RALGAPA1: variants seen among roughly 807,000 people sequenced by gnomAD.
RALGAPA1 encodes ral GTPase-activating protein subunit alpha-1.
Under a neutral mutation model 269.6 loss-of-function variants are expected in RALGAPA1, and 52 were observed. That is an observed-to-expected ratio of 0.19 (90% CI 0.15 to 0.24). The LOEUF (loss-of-function observed/expected upper bound fraction) is 0.24. Ranked by LOEUF, RALGAPA1 falls within the 10% of genes least tolerant of loss-of-function variation. RALGAPA1 has a pLI of 1.00. For missense variants in RALGAPA1, 1,917 were observed against 3,013.9 expected (o/e 0.64, Z 8.52); for synonymous variants, 817 against 1,008.3 (o/e 0.81, Z 3.60).
At chr14:35,695,542 T>A (rs1406780263) in intron 17 of RALGAPA1, among the ~76,000 whole-genome samples, 1 of 152,186 alleles carries the variant, frequency 6.6e-6, no homozygotes, top group Non-Finnish European at 1.5e-5. Context: ...GCAGTCTACA[T>A]ACTATAGCCT....
At chr14:35,672,797 A>T in intron 25 of RALGAPA1, 70 bp downstream of exon 25, 1 of 1,365,672 alleles carries the variant, frequency 7.3e-7, no homozygotes, top group Non-Finnish European at 9.7e-7. Context: ...AGCAAGAGTT[A>T]AACAGAATCA....
intron 37 of RALGAPA1, among the ~76,000 whole-genome samples, chr14:35,580,161 T>TG (rs1254585636): frequency 6.6e-6 from 1 of 152,150 alleles, no homozygotes; most frequent in Non-Finnish European, 1.5e-5. Flanking sequence ...CCCCCTATTT[T>TG]GGGGGGTCCA....
intron 11 of RALGAPA1, 94 bp downstream of exon 11, chr14:35,742,274 T>C (rs2071630041): frequency 1.1e-6 from 1 of 932,822 alleles, no homozygotes; most frequent in Non-Finnish European, 1.6e-6. Context: ...TCTTCCCATT[T>C]AATAAGTATA....
chr14:35,694,004 T>C (rs1436183821), intron 17 of RALGAPA1, among the ~76,000 whole-genome samples: 2 of 152,068 alleles, frequency 1.3e-5, no homozygotes, highest in African/African-American at 4.8e-5. Context: ...ATTTTTGTTT[T>C]GTTCATTGCA....
At chr14:35,718,222 T>A (rs1363586307) in intron 16 of RALGAPA1, among the ~76,000 whole-genome samples, 1 of 152,228 alleles carries the variant, frequency 6.6e-6, no homozygotes, top group Non-Finnish European at 1.5e-5. Flanking sequence ...AATTGTCAGC[T>A]CCAGTGGAAT....
In RALGAPA1 at chr14:35,672,877, T is replaced by C; in HGVS notation, c.5063A>G (p.His1688Arg). 6.5e-7 allele frequency: 1 copy of C among 1,542,816 alleles called. No individual in the cohort carries two copies. The highest frequency in any genetic ancestry group is 8.7e-7 in the Non-Finnish European group (1 of 1,144,824). ...TATATATATAGTTACCTGGTCAATA[T>C]GAAGTAATCCACAATGCATTATATT... ...FYNIMHCGLL[H>R]IDQDIVNTII... The change falls in exon 25 of 42, where the codon CAT (histidine) becomes CGT (arginine). Residue 1688 changes from histidine to arginine, a missense_variant. This residue lies in a region of RALGAPA1 where 346 missense variants were observed against 566.1 expected (regional missense o/e 0.61). Transcript: ENST00000680220.
chr14:35,806,328 T>C (rs1354050237), intron 1 of RALGAPA1, among the ~76,000 whole-genome samples: 1 of 152,108 alleles, frequency 6.6e-6, no homozygotes, highest in Non-Finnish European at 1.5e-5. Flanking sequence ...ATAATATCAT[T>C]ACCATTAGTT....
intron 33 of RALGAPA1, among the ~76,000 whole-genome samples, chr14:35,630,484 G>A (rs2061292608): frequency 6.6e-6 from 1 of 152,148 alleles, no homozygotes. Flanking sequence ...GCTTCACCAT[G>A]TTGGTCAGGC....
chr14:35,674,501 C>G lies in RALGAPA1; in HGVS notation c.4818+15G>C, dbSNP rs769486534. ...TTATTTTCTTCTCCACTTATATCCG[C>G]TATTTCTTTTTTACCTTAGCTAGAT... On this transcript the variant is annotated intron_variant, in intron 23 of 41. Transcript: ENST00000680220. 6 of 1,592,242 alleles carry G rather than the reference C, an allele frequency of 3.8e-6. No homozygotes were observed. The highest frequency in any genetic ancestry group is 3.5e-5 in the Admixed American group (2 of 57,604).
At chr14:35,548,965 T>C (rs1261467600) in intron 40 of RALGAPA1, 145 bp downstream of exon 40, 2 of 977,640 alleles carry the variant, frequency 2.0e-6, no homozygotes. Flanking sequence ...ATAAATCAAA[T>C]TTATAGGCCA....
In RALGAPA1 at chr14:35,689,278, G is replaced by C. The variant is rs1220233480; in HGVS notation, c.3133C>G (p.Gln1045Glu). The C allele has an allele frequency of 8.1e-7, 1 of 1,232,074 alleles. No individual in the cohort carries two copies. The highest frequency in any genetic ancestry group is 1.0e-6 in the Non-Finnish European group (1 of 988,052). The allele number at this position is 1,232,074 out of a possible 1,614,324, so 76.3% of individuals were successfully genotyped here. A position where few individuals can be genotyped will look rare whatever the true frequency, so the allele number is the denominator to read the frequency against. ...EKSKQLNTDK[Q>E]PSEPSLDSPC... ...CTATCTAAACTAGGCTCTGATGGCT[G>C]TTTATCAGTGTTTAGTTGCTTAGAT... The change falls in exon 18 of 42, where the codon CAG becomes GAG. Residue 1045 changes from glutamine (Q) to glutamate (E), a missense_variant. This residue lies in a region of RALGAPA1 where 615 missense variants were observed against 790.0 expected (regional missense o/e 0.78). Transcript: ENST00000680220.
chr14:35,576,428 A>C (rs2057563439), intron 37 of RALGAPA1, among the ~76,000 whole-genome samples: 1 of 152,178 alleles, frequency 6.6e-6, no homozygotes, highest in South Asian at 2.1e-4. Context: ...AAGCTTATGA[A>C]GGTCTATTGT....
Position 35,627,733 on chromosome 14 carries a change from T to C in RALGAPA1, c.6214A>G (p.Thr2072Ala), listed in dbSNP as rs771663600. 9.3e-6 allele frequency: 15 copies of C among 1,613,788 alleles called. No homozygotes were observed. Among genetic ancestry groups the C allele is most frequent in the Non-Finnish European group, 1.2e-5 (14 of 1,179,944 alleles). ...NIQFFVLNNT[T>A]LVSCIQIRSE... ...CTGATCTGGATACAGGACACTAAGG[T>C]TGTATTATTTAACACAAAGAACTGG... The change falls in exon 34 of 42, where the codon ACC (threonine) becomes GCC (alanine). Residue 2072 changes from threonine (T) to alanine (A), a missense_variant. Physicochemically the swap from Thr to Ala is moderately conservative, Grantham distance 58. Coordinates refer to ENST00000680220, the MANE Select transcript of RALGAPA1 (RefSeq NM_001346249.2).
At position 35,646,807 on chromosome 14, in the gene RALGAPA1, CAAT is replaced by C. The variant is rs755205223; in HGVS notation, c.5676+4995_5676+4997del. Reference sequence around the variant, plus strand: ...GAATTGCTTGATTTTAGGAAAAACACAATAAAGTAGTCAGCAGTATACACATTT... The same window carrying C: ...GAATTGCTTGATTTTAGGAAAAACACAAAGTAGTCAGCAGTATACACATTT... On this transcript the variant is annotated intron_variant, in intron 31 of 41. Coordinates refer to ENST00000680220, the MANE Select transcript of RALGAPA1 (RefSeq NM_001346249.2). 3.3e-5 allele frequency among the ~76,000 whole-genome samples: 5 copies of C among 152,084 alleles called. No homozygotes were observed. In the East Asian group the frequency reaches 9.6e-4, roughly 29 times the overall value.
intron 3 of RALGAPA1, among the ~76,000 whole-genome samples, chr14:35,772,485 C>T (rs1238176705): frequency 5.3e-5 from 8 of 151,998 alleles, no homozygotes; most frequent in Admixed American, 5.2e-4. Flanking sequence ...AATATTATAC[C>T]TGTTTGGATT....
At chr14:35,752,872 T>C (rs2141271300) in intron 7 of RALGAPA1, among the ~76,000 whole-genome samples, 1 of 152,198 alleles carries the variant, frequency 6.6e-6, no homozygotes, top group South Asian at 2.1e-4. Context: ...AAGAATAATA[T>C]GAGCCACATT....
chr14:35,595,524 A>G, intron 37 of RALGAPA1, 110 bp downstream of exon 37: 2 of 949,584 alleles, frequency 2.1e-6, no homozygotes, highest in East Asian at 2.4e-5. Flanking sequence ...GGAGTGGTGT[A>G]CTACAACCAG....
intron 36 of RALGAPA1, among the ~76,000 whole-genome samples, chr14:35,605,278 G>T (rs187922952): frequency 4.8e-4 from 73 of 152,224 alleles, no homozygotes; most frequent in Admixed American, 1.2e-3. Context: ...CCTTTGTGTA[G>T]CCATTAGGTC....
chr14:35,736,392 T>C (rs1164199703), intron 12 of RALGAPA1, among the ~76,000 whole-genome samples: 1 of 152,176 alleles, frequency 6.6e-6, no homozygotes, highest in Non-Finnish European at 1.5e-5. Context: ...AGACTACATA[T>C]AAAAATCTGA....
Sources: allele counts gnomAD v4.1 joint callset (sites outside exome capture counted in the v4.1 genomes callset), GRCh38; gene constraint gnomAD v4.1.1; regional missense constraint gnomAD v4.1.1; transcripts MANE v1.5; gene names NCBI Gene and HGNC (gene_info 2026-07-23, HGNC 2026-07-21).